The following FLAD1 variants were observed in gnomAD, a reference collection of about 807,000 sequenced individuals.
FLAD1 encodes flavin adenine dinucleotide synthetase 1, also known as bifunctional FAD diphosphatase/FAD synthase.
A neutral mutation model predicts 55.0 loss-of-function variants in FLAD1; 35 were observed. That is an observed-to-expected ratio of 0.64 (90% CI 0.49 to 0.84). The LOEUF is 0.84. Ranked by LOEUF, FLAD1 falls within the 40% of genes least tolerant of loss-of-function variation. The pLI, the probability that FLAD1 is intolerant of heterozygous loss-of-function variation, is 0.00. For missense variants in FLAD1, 665 were observed against 742.6 expected (o/e 0.90, Z 1.21); for synonymous variants, 267 against 303.0 (o/e 0.88, Z 1.23).
In FLAD1 at chr1:154,988,298, AG is replaced by A; in HGVS notation, c.568del (p.Ala190GlnfsTer10). 6.2e-7 allele frequency: 1 copy of A among 1,614,162 alleles called. No homozygotes were observed. The highest frequency in any genetic ancestry group is 8.5e-7 in the Non-Finnish European group (1 of 1,180,036). ...CCCACTCATGATGATGTGACCTTTG[AG>A]GCAGTGGCACAGGCCTTTGGAGATG... Reference protein sequence around the residue: ...IGPTHDDVTFEAVAQAFGDEL... With the variant: ...IGPTHDDVTFXAVAQAFGDEL... On this transcript the variant is annotated frameshift_variant, in exon 2 of 7. Transcript: ENST00000292180. LOFTEE classifies it high-confidence loss of function.
rs763362103 is a variant in FLAD1 at position 154,989,606 on chromosome 1, G to A, written c.1164G>A (p.Glu388=). 1.9e-6 allele frequency: 3 copies of A among 1,603,004 alleles called. No individual in the cohort carries two copies. The East Asian group carries it at 6.8e-5, about 36-fold the overall frequency. The change falls in exon 3 of 7, where the codon GAG becomes GAA. Residue 388 remains glutamate (E), a synonymous_variant. Coordinates refer to ENST00000292180, the MANE Select transcript of FLAD1 (RefSeq NM_025207.5). The part of the protein sequence containing the change: ...KKVAGALQTI[E]TSLAQYSLTQ... ...TGGCAGGTGCCCTACAGACCATTGA[G>A]ACCTCCCTGGCTCAGTACAGCCTCA...
rs74860741 is a variant in FLAD1 at position 154,983,373 on chromosome 1, G to C, written c.-322G>C. 1,869 of 231,410 alleles carry C rather than the reference G, an allele frequency of 8.1e-3. 35 individuals carry two copies. Among genetic ancestry groups the C allele is most frequent in the African/African-American group, 0.039 (1,726 of 44,494 alleles). The allele number at this position is 231,410 out of a possible 1,614,324, so 14.3% of individuals were successfully genotyped here. A position where few individuals can be genotyped will look rare whatever the true frequency, so the allele number is the denominator to read the frequency against. ...CATGAGGAAAGGAACAAGGGAAAGAGCCGGTGAAGGGGCAGAACAGGCAGG... is the reference window on the plus strand; with the variant it reads ...CATGAGGAAAGGAACAAGGGAAAGACCCGGTGAAGGGGCAGAACAGGCAGG... On this transcript the variant is annotated 5_prime_UTR_variant, in exon 1 of 7. Transcript: ENST00000292180.
Position 154,988,113 on chromosome 1 carries a change from T to G in FLAD1, c.381T>G (p.Thr127=). 1 of 1,614,086 alleles carries G rather than the reference T, an allele frequency of 6.2e-7. No homozygotes were observed. Among genetic ancestry groups the G allele is most frequent in the South Asian group, 1.1e-5 (1 of 91,078 alleles). Residue 127 remains threonine, a synonymous_variant, in exon 2 of 7, where the codon ACT becomes ACG. Transcript: ENST00000292180. ...IVGDEILKGH[T]QDTNTFFLCR... ...TCCCCTTCAACCCCCAGGGACACAC[T>G]CAGGACACCAACACCTTCTTTCTGT... is the stretch of plus-strand genomic sequence containing the variant.
rs1657419144 is a variant in FLAD1, at chr1:154,983,540, C to G, written c.-155C>G. On this transcript the variant is annotated 5_prime_UTR_variant, in exon 1 of 7. Coordinates refer to ENST00000292180, the MANE Select transcript of FLAD1 (RefSeq NM_025207.5). ...CGAATGCATTGAAAAGGGCCAAGGC[C>G]CAGGATAAGGTAGACATTTAAAGGG... 1.4e-6 allele frequency: 1 copy of G among 725,316 alleles called. No homozygotes were observed. The highest frequency in any genetic ancestry group is 2.5e-5 in the Admixed American group (1 of 39,650). 44.9% of individuals were successfully genotyped at this position (725,316 alleles called of 1,614,324 possible).
chr1:154,987,760 G>C, intron 1 of FLAD1: 1 of 447,524 alleles, frequency 2.2e-6, no homozygotes, highest in Non-Finnish European at 4.0e-6. Flanking sequence ...AACATGGCAA[G>C]ACCCCATTTC....
chr1:154,989,353 G>A (rs749931262), intron 2 of FLAD1, among the ~76,000 whole-genome samples: 6 of 152,200 alleles, frequency 3.9e-5, no homozygotes, highest in Admixed American at 1.3e-4. Context: ...ATGACACTGA[G>A]GCTACTGTGA....
rs757880504 is a variant in FLAD1, at chr1:154,988,280, A to G, written c.548A>G (p.His183Arg). ...VLTAGGIGPT[H>R]DDVTFEAVAQ... is the part of the protein sequence containing the mutation. Reference sequence around the variant, plus strand: ...ACAGCAGGGGGCATCGGCCCCACTCATGATGATGTGACCTTTGAGGCAGTG... The same window carrying G: ...ACAGCAGGGGGCATCGGCCCCACTCGTGATGATGTGACCTTTGAGGCAGTG... The change falls in exon 2 of 7, where the codon CAT (histidine) becomes CGT (arginine). Residue 183 changes from histidine to arginine, a missense_variant. Transcript: ENST00000292180. 28 of 1,614,070 alleles carry G rather than the reference A, an allele frequency of 1.7e-5. No individual in the cohort carries two copies. Among genetic ancestry groups the G allele is most frequent in the African/African-American group, 2.7e-5 (2 of 74,920 alleles).
intron 1 of FLAD1, among the ~76,000 whole-genome samples, chr1:154,985,308 C>T (rs1488640017): frequency 4.0e-5 from 6 of 148,964 alleles, no homozygotes; most frequent in Non-Finnish European, 4.5e-5. Context: ...CAGCTGACTG[C>T]ACCTCCACCT....
chr1:154,990,575 A>G (rs757492060), intron 5 of FLAD1, 47 bp downstream of exon 5: 1 of 1,519,832 alleles, frequency 6.6e-7, no homozygotes, highest in Non-Finnish European at 8.8e-7. Flanking sequence ...GTGCCCCAGC[A>G]GTCACTGCAC....
chr1:154,988,937 C>T (rs1300711203), intron 2 of FLAD1, 88 bp downstream of exon 2: 2 of 1,576,906 alleles, frequency 1.3e-6, no homozygotes, highest in East Asian at 2.3e-5. Context: ...TGGGTGCTTC[C>T]TGCAAATCCC....
chr1:154,989,513 T>C lies in FLAD1; in HGVS notation c.1118-47T>C, dbSNP rs377444183. The stretch of plus-strand genomic sequence containing the variant: ...GCAGCATGCCTTCACTCCCCTTTGA[T>C]AGCCATATGTGTCCATCTGATGCCC... On this transcript the variant is annotated intron_variant, in intron 2 of 6. Transcript: ENST00000292180. The C allele has an allele frequency of 5.2e-5, 77 of 1,475,486 alleles. No individual in the cohort carries two copies. The African/African-American group carries it at 9.0e-4, about 17-fold the overall frequency. 91.4% of individuals were successfully genotyped at this position (1,475,486 alleles called of 1,614,324 possible).
chr1:154,986,019 C>CTGTGTGTG (rs57098553), intron 1 of FLAD1, among the ~76,000 whole-genome samples: 805 of 143,130 alleles, frequency 5.6e-3, no homozygotes, highest in African/African-American at 7.1e-3. Context: ...CTGCGCCCGG[C>CTGTGTGTG]TGTGTGTGTG....
chr1:154,988,869 G>A lies in FLAD1; in HGVS notation c.1117+20G>A, dbSNP rs746656996. The A allele has an allele frequency of 1.2e-6, 2 of 1,613,794 alleles. No homozygotes were observed. The highest frequency in any genetic ancestry group is 1.7e-5 in the Admixed American group (1 of 60,016). ...AATCAGGTAGGGACCTTATGGAGGA[G>A]GGGCATTATGCCCAAAGCCATTGGT... On this transcript the variant is annotated intron_variant, in intron 2 of 6. Transcript: ENST00000292180.
intron 1 of FLAD1, among the ~76,000 whole-genome samples, chr1:154,987,071 A>G (rs983209888): frequency 8.7e-5 from 13 of 149,554 alleles, no homozygotes; most frequent in African/African-American, 3.2e-4. Context: ...CCTGTCACCC[A>G]GGCTGGAGTA....
Position 154,988,502 on chromosome 1 carries a change from T to G in FLAD1, c.770T>G (p.Ile257Ser). Residue 257 changes from isoleucine (I) to serine (S), a missense_variant, in exon 2 of 7, where the codon ATT (isoleucine) becomes AGT (serine). Ile to Ser is a moderately radical substitution (Grantham distance 142). Coordinates refer to ENST00000292180, the MANE Select transcript of FLAD1 (RefSeq NM_025207.5). ...CGAAACGTCTACCTCTTCCCAGGCA[T>G]TCCAGAGCTGCTGCGGCGGGTGCTG... ...SVRNVYLFPGIPELLRRVLEG... is the reference protein window; with the variant it reads ...SVRNVYLFPGSPELLRRVLEG... 1 of 1,614,244 alleles carries G rather than the reference T, an allele frequency of 6.2e-7. No individual in the cohort carries two copies. The highest frequency in any genetic ancestry group is 8.5e-7 in the Non-Finnish European group (1 of 1,180,036).
chr1:154,988,013 A>T (rs1241568534), intron 1 of FLAD1, 92 bp from the exon 2 acceptor site: 1 of 1,604,318 alleles, frequency 6.2e-7, no homozygotes, highest in Non-Finnish European at 8.5e-7. Flanking sequence ...AGAGCAGAGC[A>T]CTGCATCATC....
rs373610832 is a variant in FLAD1, at chr1:154,990,501, C to T, written c.1527C>T (p.Pro509=). 1.2e-5 allele frequency: 19 copies of T among 1,608,324 alleles called. No individual in the cohort carries two copies. Among genetic ancestry groups the T allele is most frequent in the Admixed American group, 5.1e-5 (3 of 59,082 alleles). The part of the protein sequence containing the change: ...CPFSPTDPGW[P]AFMRINPLLD... ...TCAGCCCCACTGACCCAGGCTGGCC[C>T]GCATTCATGCGCATCAACCCACTGC... is the stretch of plus-strand genomic sequence containing the variant. Residue 509 remains proline (P), a synonymous_variant, in exon 5 of 7, where the codon CCC becomes CCT. Coordinates refer to ENST00000292180, the MANE Select transcript of FLAD1 (RefSeq NM_025207.5).
chr1:154,988,006 G>A, intron 1 of FLAD1, 99 bp from the exon 2 acceptor site: 2 of 1,598,328 alleles, frequency 1.3e-6, no homozygotes, highest in Non-Finnish European at 1.7e-6. Context: ...CCTTCAAAGA[G>A]CAGAGCACTG....
intron 2 of FLAD1, 38 bp from the exon 3 acceptor site, chr1:154,989,522 G>A (rs923428469): frequency 6.6e-7 from 1 of 1,512,602 alleles, no homozygotes; most frequent in African/African-American, 1.4e-5. Context: ...ATAGCCATAT[G>A]TGTCCATCTG....
Sources: gnomAD v4.1 joint callset for allele counts (sites outside exome capture counted in the v4.1 genomes callset) on GRCh38, gnomAD v4.1.1 for gene constraint, MANE v1.5 for transcripts, NCBI Gene and HGNC (gene_info 2026-07-23, HGNC 2026-07-21) for gene names.